The following SEMA3E variants were observed in gnomAD, a reference collection of about 807,000 sequenced individuals.
The protein encoded by SEMA3E is semaphorin 3E, also known as semaphorin-3E.
A neutral mutation model predicts 93.6 loss-of-function variants in SEMA3E; 49 were observed. The ratio of observed to expected loss-of-function variants is 0.52; its 90% CI spans 0.42 to 0.66. The LOEUF (loss-of-function observed/expected upper bound fraction) is 0.66. SEMA3E is among the 30% of genes least tolerant of loss of function. The pLI is 0.00. For missense variants in SEMA3E, 906 were observed against 964.8 expected (o/e 0.94, Z 0.81); for synonymous variants, 363 against 330.7 (o/e 1.10, Z -1.06).
intron 1 of SEMA3E, among the ~76,000 whole-genome samples, chr7:83,569,783 A>G (rs532227534): frequency 1.3e-5 from 2 of 152,316 alleles, no homozygotes; most frequent in African/African-American, 2.4e-5. Flanking sequence ...GGGAGACTTC[A>G]ACACCCCAGT....
At chr7:83,376,392 T>C (rs952886682) in intron 16 of SEMA3E, among the ~76,000 whole-genome samples, 2 of 152,046 alleles carry the variant, frequency 1.3e-5, no homozygotes, top group Non-Finnish European at 2.9e-5. Flanking sequence ...TATTAAAAGT[T>C]GTAATTTGTG....
chr7:83,525,798 TTTTC>T (rs1442628060), intron 1 of SEMA3E, among the ~76,000 whole-genome samples: 32 of 150,340 alleles, frequency 2.1e-4, no homozygotes, highest in Non-Finnish European at 3.1e-4. Context: ...TTTTTTTTTT[TTTTC>T]GTCTCTATAT....
At chr7:83,391,603 T>C (rs565654555) in intron 14 of SEMA3E, among the ~76,000 whole-genome samples, 1 of 152,064 alleles carries the variant, frequency 6.6e-6, no homozygotes, top group Non-Finnish European at 1.5e-5. Context: ...TTATATCATT[T>C]TTTTAAAATA....
intron 1 of SEMA3E, among the ~76,000 whole-genome samples, chr7:83,613,478 T>C (rs900258346): frequency 6.6e-6 from 1 of 152,014 alleles, no homozygotes; most frequent in Non-Finnish European, 1.5e-5. Flanking sequence ...ACTCATTTCA[T>C]CTAAAATTGA....
chr7:83,387,002 GCA>G lies in SEMA3E; in HGVS notation c.1714_1715del (p.Cys572LeufsTer12). The G allele has an allele frequency of 6.2e-7, 1 of 1,613,230 alleles. No individual in the cohort carries two copies. Among genetic ancestry groups the G allele is most frequent in the Non-Finnish European group, 8.5e-7 (1 of 1,179,580 alleles). On this transcript the variant is annotated frameshift_variant, in exon 15 of 17. Transcript: ENST00000643230. LOFTEE classifies it high-confidence loss of function. ...GATTACCAACAAACTGTTGTCCAAA[GCA>G]CTGCTGAGCTGCATTTCCATGTCGA... ...DVRHGNAAQQ[C>X]FGQQFVGDAL...
chr7:83,407,148 C>G lies in SEMA3E; in HGVS notation c.762G>C (p.Glu254Asp). 6.2e-7 allele frequency: 1 copy of G among 1,613,616 alleles called. No individual in the cohort carries two copies. Among genetic ancestry groups the G allele is most frequent in the Admixed American group, 1.7e-5 (1 of 59,896 alleles). ...VYFFFTEKAL[E>D]AENNAHAIYT... is the part of the protein sequence containing the mutation. ...AAATTGCGTGAGCATTGTTTTCTGCCTCCAGTGCCTTCTCAGTAAAAAAGA... is the reference window on the plus strand; with the variant it reads ...AAATTGCGTGAGCATTGTTTTCTGCGTCCAGTGCCTTCTCAGTAAAAAAGA... The change falls in exon 7 of 17, where the codon GAG (glutamate) becomes GAC (aspartate). Residue 254 changes from glutamate (E) to aspartate (D), a missense_variant. Coordinates refer to ENST00000643230, the MANE Select transcript of SEMA3E (RefSeq NM_012431.3).
At chr7:83,616,492 T>C (rs904130687) in intron 1 of SEMA3E, 2 of 261,426 alleles carry the variant, frequency 7.7e-6, no homozygotes, top group Admixed American at 5.0e-5. Context: ...AATAAGATTC[T>C]AATAAAAAAA....
chr7:83,434,951 G>C (rs1215058994), intron 4 of SEMA3E, among the ~76,000 whole-genome samples: 1 of 151,692 alleles, frequency 6.6e-6, no homozygotes, highest in Non-Finnish European at 1.5e-5. Context: ...CTGACCTCGT[G>C]ATCCGCCCGC....
intron 1 of SEMA3E, among the ~76,000 whole-genome samples, chr7:83,490,940 C>T (rs552572983): frequency 6.6e-5 from 10 of 152,080 alleles, no homozygotes; most frequent in African/African-American, 1.4e-4. Flanking sequence ...GTTTGTTGAA[C>T]GTATTTAATT....
chr7:83,438,013 T>C lies in SEMA3E; in HGVS notation c.457-19530A>G, dbSNP rs571915014. On this transcript the variant is annotated intron_variant, in intron 4 of 16. Coordinates refer to ENST00000643230, the MANE Select transcript of SEMA3E (RefSeq NM_012431.3). ...GGCAATATGTGCTAGAAATATTCTG[T>C]GAGGCCACATCAGAAAATGTCATAT... 4.6e-5 allele frequency among the ~76,000 whole-genome samples: 7 copies of C among 152,270 alleles called. 1 individual carries two copies. The East Asian group carries it at 1.4e-3, about 29-fold the overall frequency.
intron 1 of SEMA3E, among the ~76,000 whole-genome samples, chr7:83,523,201 A>C (rs1389817107): frequency 1.3e-5 from 2 of 152,056 alleles, no homozygotes; most frequent in Non-Finnish European, 2.9e-5. Context: ...CCTTATTATA[A>C]TTATGGTATT....
chr7:83,620,465 G>T (rs1156584137), intron 1 of SEMA3E, among the ~76,000 whole-genome samples: 1 of 152,010 alleles, frequency 6.6e-6, no homozygotes, highest in African/African-American at 2.4e-5. Context: ...CCAAACAATT[G>T]AAAAGGAGGG....
At chr7:83,498,947 T>C (rs1005582173) in intron 1 of SEMA3E, among the ~76,000 whole-genome samples, 1 of 152,218 alleles carries the variant, frequency 6.6e-6, no homozygotes, top group Non-Finnish European at 1.5e-5. Context: ...AAGTTTTTTA[T>C]GCATATGCAA....
intron 1 of SEMA3E, among the ~76,000 whole-genome samples, chr7:83,495,450 G>C (rs1790472144): frequency 6.8e-6 from 1 of 147,872 alleles, no homozygotes; most frequent in Admixed American, 6.9e-5. Context: ...TGCTTTATTT[G>C]TAAAAAGAGC....
chr7:83,489,447 A>AAAAT (rs3068633), intron 2 of SEMA3E, among the ~76,000 whole-genome samples: 149,624 of 151,834 alleles, frequency 0.99, 73,766 homozygotes, highest in East Asian at 1. Context: ...CATAAACATA[A>AAAAT]AAATCAATTA....
chr7:83,558,375 G>A (rs1424892894), intron 1 of SEMA3E, among the ~76,000 whole-genome samples: 1 of 152,044 alleles, frequency 6.6e-6, no homozygotes, highest in Non-Finnish European at 1.5e-5. Context: ...TGGCACCAAG[G>A]TTTTACTGAA....
At chr7:83,494,008 T>C (rs3757608) in intron 1 of SEMA3E, among the ~76,000 whole-genome samples, 19,032 of 151,900 alleles carry the variant, frequency 0.13, 1,377 homozygotes, top group East Asian at 0.22. Context: ...TTATTATATA[T>C]TTACTCTTAT....
At chr7:83,545,872 T>G in intron 1 of SEMA3E, among the ~76,000 whole-genome samples, 1 of 139,478 alleles carries the variant, frequency 7.2e-6, no homozygotes, top group South Asian at 2.2e-4. Flanking sequence ...TATAACATTA[T>G]ATATTATATA....
Position 83,467,014 on chromosome 7 carries a change from A to G in SEMA3E, c.337-413T>C, listed in dbSNP as rs575538131. Among the ~76,000 whole-genome samples, 13 of 152,212 alleles carry G rather than the reference A, an allele frequency of 8.5e-5. 1 individual carries two copies. In the South Asian group the frequency reaches 2.7e-3, roughly 32 times the overall value. On this transcript the variant is annotated intron_variant, in intron 3 of 16. Coordinates refer to ENST00000643230, the MANE Select transcript of SEMA3E (RefSeq NM_012431.3). ...GAATCAGCATAAAGTCATTAAAACCAAAAATTTGAAAAAGCATAGTTATTC... is the reference window on the plus strand; with the variant it reads ...GAATCAGCATAAAGTCATTAAAACCGAAAATTTGAAAAAGCATAGTTATTC...
Sources: allele counts gnomAD v4.1 joint callset (sites outside exome capture counted in the v4.1 genomes callset), GRCh38; gene constraint gnomAD v4.1.1; transcripts MANE v1.5; gene names NCBI Gene and HGNC (gene_info 2026-07-23, HGNC 2026-07-21).